MYOC: variants seen among roughly 807,000 people sequenced by gnomAD.
The protein encoded by MYOC is juvenile-onset open-angle glaucoma 1.
MYOC carries 29 observed loss-of-function variants against 28.2 expected under a neutral mutation model. The ratio of observed to expected loss-of-function variants is 1.03; its 90% CI spans 0.77 to 1.40. The LOEUF is 1.40. Among genes scored for constraint, MYOC ranks in the 40% most tolerant of loss-of-function variants. The pLI is 0.00. For synonymous variants in MYOC, 240 were observed against 245.6 expected (o/e 0.98, Z 0.21); for missense variants, 569 against 620.6 (o/e 0.92, Z 0.88).
chr1:171,649,942 A>C (rs1653313621), intron 1 of MYOC, among the ~76,000 whole-genome samples: 1 of 152,160 alleles, frequency 6.6e-6, no homozygotes, highest in Non-Finnish European at 1.5e-5. Flanking sequence ...GCGGTACCGG[A>C]TGCTCATTAG....
intron 1 of MYOC, among the ~76,000 whole-genome samples, chr1:171,646,184 G>T (rs1653197124): frequency 6.6e-6 from 1 of 152,180 alleles, no homozygotes; most frequent in Non-Finnish European, 1.5e-5. Context: ...AAGGGGCCTG[G>T]ACCTAAGCCG....
At chr1:171,640,219 C>T (rs1653045432) in intron 1 of MYOC, among the ~76,000 whole-genome samples, 1 of 151,836 alleles carries the variant, frequency 6.6e-6, no homozygotes, top group Non-Finnish European at 1.5e-5. Context: ...CTTTCTGAGA[C>T]CAGTTTTGCA....
chr1:171,640,221 A>T (rs1653045537), intron 1 of MYOC, among the ~76,000 whole-genome samples: 1 of 150,112 alleles, frequency 6.7e-6, no homozygotes, highest in Non-Finnish European at 1.5e-5. Context: ...TTCTGAGACC[A>T]GTTTTGCATA....
chr1:171,638,475 G>T, intron 2 of MYOC, 122 bp downstream of exon 2: 1 of 1,127,270 alleles, frequency 8.9e-7, no homozygotes, highest in Non-Finnish European at 1.3e-6. Flanking sequence ...CCCTCCCTCT[G>T]CTCCCAGGGA....
rs61730978 is a variant in MYOC, at chr1:171,652,309, T to C, written c.303A>G (p.Gln101=). ...GCCTGGCAGCCTGGTCCAAGGTCAA[T>C]TGGTGGAGGAGGCTCTCCAGGGAGC... is the stretch of plus-strand genomic sequence containing the variant. The part of the protein sequence containing the change: ...RLSSLESLLH[Q]LTLDQAARPQ... Residue 101 remains glutamine, a synonymous_variant, in exon 1 of 3, where the codon CAA becomes CAG. Transcript: ENST00000037502. 2.2e-5 allele frequency: 35 copies of C among 1,610,962 alleles called. No homozygotes were observed. In the African/African-American group the frequency reaches 4.3e-4, roughly 20 times the overall value.
chr1:171,642,379 G>A (rs1345307789), intron 1 of MYOC, among the ~76,000 whole-genome samples: 3 of 152,168 alleles, frequency 2.0e-5, no homozygotes, highest in East Asian at 1.9e-4. Flanking sequence ...TTGGGAGGCC[G>A]AGGTGGCAGG....
chr1:171,636,101 C>T lies in MYOC; in HGVS notation c.1339G>A (p.Ala447Thr). 19 of 1,614,184 alleles carry T rather than the reference C, an allele frequency of 1.2e-5. No homozygotes were observed. The highest frequency in any genetic ancestry group is 1.6e-5 in the Non-Finnish European group (19 of 1,180,028). Residue 447 changes from alanine (A) to threonine (T), a missense_variant, in exon 3 of 3, where the codon GCT (alanine) becomes ACT (threonine). Coordinates refer to ENST00000037502, the MANE Select transcript of MYOC (RefSeq NM_000261.2). ...GTGTCATAAGCAAAGTTGACGGTAG[C>T]ATCTGCTGAGGTGTAGCTGCTGACG... Reference protein sequence around the residue: ...YTVSSYTSADATVNFAYDTGT... With the variant: ...YTVSSYTSADTTVNFAYDTGT...
At position 171,649,402 on chromosome 1, in the gene MYOC, C is replaced by T. The variant is rs190654237; in HGVS notation, c.604+2606G>A. On this transcript the variant is annotated intron_variant, in intron 1 of 2. Coordinates refer to ENST00000037502, the MANE Select transcript of MYOC (RefSeq NM_000261.2). Reference sequence around the variant, plus strand: ...AATGCCCCCTTTTCCCTAGATCTGGCCTTGAAACAGATCTTTTGTTCCAAG... The same window carrying T: ...AATGCCCCCTTTTCCCTAGATCTGGTCTTGAAACAGATCTTTTGTTCCAAG... Among the ~76,000 whole-genome samples the T allele has an allele frequency of 1.4e-3, 211 of 152,264 alleles. No individual in the cohort carries two copies. The Middle Eastern group carries it at 0.037, about 27-fold the overall frequency.
In MYOC at chr1:171,636,585, C is replaced by G; in HGVS notation, c.855G>C (p.Thr285=). 1 of 1,611,390 alleles carries G rather than the reference C, an allele frequency of 6.2e-7. No individual in the cohort carries two copies. The highest frequency in any genetic ancestry group is 8.5e-7 in the Non-Finnish European group (1 of 1,178,148). ...KPTYPYTQET[T]WRIDTVGTDV... The stretch of plus-strand genomic sequence containing the variant: ...CCGTGCCAACTGTGTCGATTCTCCA[C>G]GTGGTCTCCTGGGTGTAGGGGTAGG... Residue 285 remains threonine, a synonymous_variant, in exon 3 of 3, where the codon ACG becomes ACC. Coordinates refer to ENST00000037502, the MANE Select transcript of MYOC (RefSeq NM_000261.2).
At position 171,636,368 on chromosome 1, in the gene MYOC, T is replaced by C. The variant is rs776956998; in HGVS notation, c.1072A>G (p.Lys358Glu). 6.2e-7 allele frequency: 1 copy of C among 1,613,954 alleles called. No individual in the cohort carries two copies. Residue 358 changes from lysine to glutamate, a missense_variant, in exon 3 of 3, where the codon AAG (lysine) becomes GAG (glutamate). Coordinates refer to ENST00000037502, the MANE Select transcript of MYOC (RefSeq NM_000261.2). Reference protein sequence around the residue: ...ELNTETVKAEKEIPGAGYHGQ... With the variant: ...ELNTETVKAEEEIPGAGYHGQ... ...TGGTAGCCAGCTCCAGGGATTTCCT[T>C]CTCAGCCTTCACTGTCTCGGTATTC...
chr1:171,640,603 G>A (rs925335237), intron 1 of MYOC, among the ~76,000 whole-genome samples: 12 of 152,086 alleles, frequency 7.9e-5, no homozygotes, highest in Non-Finnish European at 1.5e-4. Context: ...GGGTGGTGAT[G>A]TGTACCTGCA....
intron 1 of MYOC, among the ~76,000 whole-genome samples, chr1:171,643,942 G>C (rs144750384): frequency 3.2e-3 from 428 of 134,966 alleles, no homozygotes; most frequent in Non-Finnish European, 4.8e-3. Context: ...TTGGACTCCA[G>C]CCTGGGTGAC....
At chr1:171,648,138 A>G (rs1653247963) in intron 1 of MYOC, among the ~76,000 whole-genome samples, 1 of 151,602 alleles carries the variant, frequency 6.6e-6, no homozygotes, top group Non-Finnish European at 1.5e-5. Flanking sequence ...GCAGTGAGCC[A>G]AGATCGTGCC....
intron 1 of MYOC, among the ~76,000 whole-genome samples, chr1:171,646,759 T>C (rs1450389618): frequency 6.6e-6 from 1 of 152,282 alleles, no homozygotes; most frequent in East Asian, 1.9e-4. Context: ...CCTCCCAAAG[T>C]GCTGGGATTA....
At chr1:171,636,812 G>A in intron 2 of MYOC, 103 bp from the exon 3 acceptor site, 1 of 1,265,310 alleles carries the variant, frequency 7.9e-7, no homozygotes, top group Non-Finnish European at 1.1e-6. Context: ...AGATGTGACA[G>A]CCCTGGAGAC....
chr1:171,649,583 G>T (rs1293805325), intron 1 of MYOC, among the ~76,000 whole-genome samples: 1 of 152,168 alleles, frequency 6.6e-6, no homozygotes, highest in African/African-American at 2.4e-5. Flanking sequence ...ATCACCTGAG[G>T]TCAGGAGTTC....
rs1477844964 is a variant in MYOC, at chr1:171,635,587, G to T, written c.*338C>A. On this transcript the variant is annotated 3_prime_UTR_variant, in exon 3 of 3. Coordinates refer to ENST00000037502, the MANE Select transcript of MYOC (RefSeq NM_000261.2). ...GTTATGCTTTTTATTGTGGCTTGTGGTAACCATGTAACATGCAAGAGCAAT... is the reference window on the plus strand; with the variant it reads ...GTTATGCTTTTTATTGTGGCTTGTGTTAACCATGTAACATGCAAGAGCAAT... 6 of 438,742 alleles carry T rather than the reference G, an allele frequency of 1.4e-5. No homozygotes were observed. Among genetic ancestry groups the T allele is most frequent in the Non-Finnish European group, 1.7e-5 (4 of 238,214 alleles). The allele number at this position is 438,742 out of a possible 1,614,324, so 27.2% of individuals were successfully genotyped here. A position where few individuals can be genotyped will look rare whatever the true frequency, so the allele number is the denominator to read the frequency against.
At position 171,635,826 on chromosome 1, in the gene MYOC, G is replaced by C; in HGVS notation, c.*99C>G. 2 of 1,310,824 alleles carry C rather than the reference G, an allele frequency of 1.5e-6. No homozygotes were observed. Among genetic ancestry groups the C allele is most frequent in the Non-Finnish European group, 2.2e-6 (2 of 929,010 alleles). 81.2% of individuals were successfully genotyped at this position (1,310,824 alleles called of 1,614,324 possible). A position where few individuals can be genotyped will look rare whatever the true frequency, so the allele number is the denominator to read the frequency against. ...AATGAAAACTTGGAAAGCAGTCAAAGCTGCCTGGGCCCTGGCTGGCTGGCT... is the reference window on the plus strand; with the variant it reads ...AATGAAAACTTGGAAAGCAGTCAAACCTGCCTGGGCCCTGGCTGGCTGGCT... On this transcript the variant is annotated 3_prime_UTR_variant, in exon 3 of 3. Transcript: ENST00000037502.
chr1:171,640,371 T>C (rs980932758), intron 1 of MYOC, among the ~76,000 whole-genome samples: 1 of 152,090 alleles, frequency 6.6e-6, no homozygotes, highest in Non-Finnish European at 1.5e-5. Context: ...TTGCTTAGGA[T>C]TATGATCTTA....
Sources: gnomAD v4.1 joint callset for allele counts (sites outside exome capture counted in the v4.1 genomes callset) on GRCh38, gnomAD v4.1.1 for gene constraint, MANE v1.5 for transcripts, NCBI Gene and HGNC (gene_info 2026-07-23, HGNC 2026-07-21) for gene names.